The following KCNIP1 variants were observed in gnomAD, a reference collection of about 807,000 sequenced individuals.
KCNIP1 encodes A-type potassium channel modulatory protein KCNIP1.
KCNIP1 carries 18 observed loss-of-function variants against 33.0 expected under a neutral mutation model. The observed-to-expected ratio is 0.55, with a 90% CI of 0.38 to 0.81. The LOEUF (loss-of-function observed/expected upper bound fraction) is 0.81. Ranked by LOEUF, KCNIP1 falls within the 30% of genes least tolerant of loss-of-function variation. KCNIP1 has a pLI of 0.00. For missense variants in KCNIP1, 238 were observed against 271.6 expected, an observed-to-expected ratio of 0.88 and a Z score of 0.87; for synonymous variants, 93 against 98.3, an observed-to-expected ratio of 0.95 and a Z score of 0.32.
intron 1 of KCNIP1, among the ~76,000 whole-genome samples, chr5:170,653,618 G>C (rs531536220): frequency 6.6e-6 from 1 of 152,132 alleles, no homozygotes; most frequent in African/African-American, 2.4e-5. Flanking sequence ...ATGGAGGATG[G>C]CAAGAGGGCC....
intron 1 of KCNIP1, among the ~76,000 whole-genome samples, chr5:170,451,817 G>T (rs1256409981): frequency 6.6e-6 from 1 of 151,480 alleles, no homozygotes. Context: ...GTCCGTGACT[G>T]GGCATGTCTC....
chr5:170,444,534 A>T (rs988926358), intron 1 of KCNIP1, among the ~76,000 whole-genome samples: 1 of 152,042 alleles, frequency 6.6e-6, no homozygotes, highest in African/African-American at 2.4e-5. Flanking sequence ...TAACATACTC[A>T]CAGGCATAGG....
intron 1 of KCNIP1, among the ~76,000 whole-genome samples, chr5:170,546,435 AG>A (rs1756411781): frequency 6.6e-6 from 1 of 152,140 alleles, no homozygotes; most frequent in Non-Finnish European, 1.5e-5. Flanking sequence ...CTTATATTTC[AG>A]GCTTCTCTTG....
chr5:170,674,129 G>GAGGAAGGAAGGAAGGAAGGAAGGA (rs1160032180), intron 1 of KCNIP1, among the ~76,000 whole-genome samples: 3 of 75,012 alleles, frequency 4.0e-5, no homozygotes, highest in African/African-American at 5.3e-5. Flanking sequence ...GGAAAGCAAT[G>GAGGAAGGAAGGAAGGAAGGAAGGA]AGGAAGGAAG....
At chr5:170,472,315 G>A (rs1052717848) in intron 1 of KCNIP1, among the ~76,000 whole-genome samples, 1 of 152,260 alleles carries the variant, frequency 6.6e-6, no homozygotes, top group Non-Finnish European at 1.5e-5. Context: ...AACTGCAAGG[G>A]TGGATTGACG....
intron 1 of KCNIP1, among the ~76,000 whole-genome samples, chr5:170,564,873 CT>C (rs1311987304): frequency 1.3e-5 from 2 of 151,520 alleles, no homozygotes; most frequent in Admixed American, 6.6e-5. Context: ...ACCAGTTACA[CT>C]TTTTTTTTCA....
intron 1 of KCNIP1, among the ~76,000 whole-genome samples, chr5:170,477,690 C>T (rs1296935021): frequency 5.3e-5 from 8 of 152,150 alleles, no homozygotes; most frequent in Non-Finnish European, 7.4e-5. Flanking sequence ...GATCTGCCTG[C>T]CTCGGCCTCC....
At chr5:170,660,980 G>A (rs1229161094) in intron 1 of KCNIP1, among the ~76,000 whole-genome samples, 1 of 152,242 alleles carries the variant, frequency 6.6e-6, no homozygotes, top group African/African-American at 2.4e-5. Flanking sequence ...GGACTGGAAG[G>A]GTGAGGAAGG....
At chr5:170,566,154 G>A (rs1035546214) in intron 1 of KCNIP1, among the ~76,000 whole-genome samples, 6 of 152,074 alleles carry the variant, frequency 3.9e-5, no homozygotes, top group African/African-American at 9.7e-5. Flanking sequence ...TCAGCCTCCC[G>A]GGTTCAAGCG....
chr5:170,578,980 A>G (rs535180153), intron 1 of KCNIP1, among the ~76,000 whole-genome samples: 3 of 152,308 alleles, frequency 2.0e-5, no homozygotes, highest in Admixed American at 2.0e-4. Flanking sequence ...TGACTGGAGC[A>G]TAGGGAGTTA....
At chr5:170,648,848 T>A in intron 1 of KCNIP1, among the ~76,000 whole-genome samples, 1 of 152,170 alleles carries the variant, frequency 6.6e-6, no homozygotes, top group South Asian at 2.1e-4. Context: ...AAGCTGTGCA[T>A]GTGCGGGAGT....
At chr5:170,701,900 G>A (rs1331101838) in intron 1 of KCNIP1, among the ~76,000 whole-genome samples, 1 of 152,120 alleles carries the variant, frequency 6.6e-6, no homozygotes, top group African/African-American at 2.4e-5. Context: ...TGACTTCAAA[G>A]CTCACCATCA....
intron 1 of KCNIP1, among the ~76,000 whole-genome samples, chr5:170,367,284 G>A (rs535055360): frequency 4.3e-4 from 64 of 149,946 alleles, no homozygotes; most frequent in Admixed American, 3.5e-3. Flanking sequence ...ACTGCACTCC[G>A]GCCTGGGCAA....
At chr5:170,717,313 A>T (rs777014712) in intron 1 of KCNIP1, among the ~76,000 whole-genome samples, 9 of 152,158 alleles carry the variant, frequency 5.9e-5, no homozygotes, top group Non-Finnish European at 1.2e-4. Context: ...CAGCGTTTAG[A>T]TAATTGCTAC....
At chr5:170,511,383 T>C (rs1264451150) in intron 1 of KCNIP1, among the ~76,000 whole-genome samples, 1 of 152,182 alleles carries the variant, frequency 6.6e-6, no homozygotes, top group Admixed American at 6.5e-5. Flanking sequence ...CTTGCTCCAC[T>C]TGGATGATGA....
rs78409040 is a variant in KCNIP1, at chr5:170,543,005, A to C, written c.61+38372A>C. Reference sequence around the variant, plus strand: ...AATGTCTGGTGAGGGCCAGTTCTTCATAGATGGTGCCTTCTAGCTATGTCC... The same window carrying C: ...AATGTCTGGTGAGGGCCAGTTCTTCCTAGATGGTGCCTTCTAGCTATGTCC... On this transcript the variant is annotated intron_variant, in intron 1 of 7. Coordinates refer to ENST00000328939, the MANE Select transcript of KCNIP1 (RefSeq NM_014592.4). 4.2e-3 allele frequency among the ~76,000 whole-genome samples: 646 copies of C among 152,324 alleles called. 6 individuals are homozygous for C. The highest frequency in any genetic ancestry group is 0.015 in the African/African-American group (607 of 41,564).
Position 170,718,856 on chromosome 5 carries a change from C to G in KCNIP1, c.160C>G (p.Gln54Glu). Reference protein sequence around the residue: ...AQTNFTKRELQVLYRGFKNEC... With the variant: ...AQTNFTKRELEVLYRGFKNEC... ...GACCAACTTCACCAAGAGGGAGCTG[C>G]AGGTCCTTTATCGAGGCTTCAAAAA... is the stretch of plus-strand genomic sequence containing the variant. Residue 54 changes from glutamine (Q) to glutamate (E), a missense_variant, in exon 2 of 8, where the codon CAG (glutamine) becomes GAG (glutamate). Coordinates refer to ENST00000328939, the MANE Select transcript of KCNIP1 (RefSeq NM_014592.4). 1 of 1,610,322 alleles carries G rather than the reference C, an allele frequency of 6.2e-7. No individual in the cohort carries two copies. The highest frequency in any genetic ancestry group is 1.1e-5 in the South Asian group (1 of 90,634).
At chr5:170,636,873 G>A (rs1229803408) in intron 1 of KCNIP1, among the ~76,000 whole-genome samples, 1 of 152,124 alleles carries the variant, frequency 6.6e-6, no homozygotes, top group African/African-American at 2.4e-5. Flanking sequence ...AGATGGATAA[G>A]CAGAGGCTTA....
intron 1 of KCNIP1, among the ~76,000 whole-genome samples, chr5:170,609,805 T>C (rs1245495676): frequency 6.6e-6 from 1 of 152,178 alleles, no homozygotes; most frequent in Non-Finnish European, 1.5e-5. Flanking sequence ...TGCAGTGAGC[T>C]ATAATCACAC....
Sources: allele counts gnomAD v4.1 joint callset (sites outside exome capture counted in the v4.1 genomes callset), GRCh38; gene constraint gnomAD v4.1.1; transcripts MANE v1.5; gene names NCBI Gene and HGNC (gene_info 2026-07-23, HGNC 2026-07-21).